Variants in TUBGCP6 observed in about 807,000 individuals in gnomAD.
TUBGCP6 encodes gamma-tubulin complex component 6.
A neutral mutation model predicts 175.8 loss-of-function variants in TUBGCP6; 161 were observed. That is an observed-to-expected ratio of 0.92 (90% CI 0.81 to 1.04). TUBGCP6 has a LOEUF of 1.04. Ranked by LOEUF, TUBGCP6 falls within the 50% of genes least tolerant of loss-of-function variation. TUBGCP6 has a pLI of 0.00. For synonymous variants in TUBGCP6, 1,173 were observed against 1,030.5 expected (o/e 1.14, Z -2.65); for missense variants, 2,572 against 2,433.0 (o/e 1.06, Z -1.20).
chr22:50,230,769 CAAAA>C (rs544032515), intron 3 of TUBGCP6, among the ~76,000 whole-genome samples: 1 of 89,836 alleles, frequency 1.1e-5, no homozygotes. Flanking sequence ...ATCCTGTCTC[CAAAA>C]AAAAAAAAAA....
At position 50,233,310 on chromosome 22, in the gene TUBGCP6, T is replaced by A; in HGVS notation, c.1116+6A>T. The A allele has an allele frequency of 6.2e-7, 1 of 1,610,216 alleles. No homozygotes were observed. The highest frequency in any genetic ancestry group is 8.5e-7 in the Non-Finnish European group (1 of 1,178,042). ...ACCACTGTGGCGGGGAGTGAGCAGT[T>A]CTCACCTGGCAGAGCGAAAACGTGG... is the stretch of plus-strand genomic sequence containing the variant. On this transcript the variant is annotated splice_donor_region_variant and intron_variant, in intron 3 of 24. Coordinates refer to ENST00000248846, the MANE Select transcript of TUBGCP6 (RefSeq NM_020461.4).
chr22:50,235,555 G>C (rs117438449), intron 2 of TUBGCP6, among the ~76,000 whole-genome samples: 1 of 152,128 alleles, frequency 6.6e-6, no homozygotes, highest in Non-Finnish European at 1.5e-5. Flanking sequence ...CAGGGACGGC[G>C]CTCGAGGACG....
Position 50,244,108 on chromosome 22 carries a change from C to A in TUBGCP6, c.352G>T (p.Ala118Ser), listed in dbSNP as rs2064885729. The stretch of plus-strand genomic sequence containing the variant: ...AGAACTTGAGGGGGACCACTCCCTG[C>A]CAGCTGAACCAGGAGGTCCAAAACA... ...GSVLDLLVQL[A>S]GSGPPQVLPR... Residue 118 changes from alanine to serine, a missense_variant, in exon 1 of 25, where the codon GCA becomes TCA. Coordinates refer to ENST00000248846, the MANE Select transcript of TUBGCP6 (RefSeq NM_020461.4). 1 of 1,613,546 alleles carries A rather than the reference C, an allele frequency of 6.2e-7. No homozygotes were observed. Among genetic ancestry groups the A allele is most frequent in the Admixed American group, 1.7e-5 (1 of 60,006 alleles).
chr22:50,240,996 A>T (rs2064831829), intron 1 of TUBGCP6, among the ~76,000 whole-genome samples: 1 of 152,250 alleles, frequency 6.6e-6, no homozygotes, highest in South Asian at 2.1e-4. Context: ...GCAGCAAGCC[A>T]CCCAGGTGCC....
intron 3 of TUBGCP6, among the ~76,000 whole-genome samples, chr22:50,231,314 C>G (rs1163089898): frequency 6.6e-6 from 1 of 150,924 alleles, no homozygotes; most frequent in Non-Finnish European, 1.5e-5. Context: ...ATTAGCCAGG[C>G]GTGGTAGTCC....
At position 50,244,649 on chromosome 22, in the gene TUBGCP6, C is replaced by T; in HGVS notation, c.-190G>A. On this transcript the variant is annotated 5_prime_UTR_variant, in exon 1 of 25. Coordinates refer to ENST00000248846, the MANE Select transcript of TUBGCP6 (RefSeq NM_020461.4). ...GGTTGCTCTACTCAGAGTAAACACG[C>T]CCTGCCCTCCCCAGTCCAAGCACGC... 1 of 920,046 alleles carries T rather than the reference C, an allele frequency of 1.1e-6. No individual in the cohort carries two copies. The allele number at this position is 920,046 out of a possible 1,614,324, so 57.0% of individuals were successfully genotyped here.
At chr22:50,240,432 G>A (rs1270854871) in intron 1 of TUBGCP6, 65 bp from the exon 2 acceptor site, 2 of 1,586,268 alleles carry the variant, frequency 1.3e-6, no homozygotes, top group African/African-American at 2.7e-5. Context: ...CAAGGGCGAT[G>A]AGAATTTCAG....
intron 17 of TUBGCP6, 75 bp downstream of exon 17, chr22:50,219,882 C>A: frequency 1.2e-6 from 2 of 1,604,264 alleles, no homozygotes; most frequent in South Asian, 1.1e-5. Context: ...GCATGTGGGA[C>A]CCACCCGCGT....
chr22:50,237,799 G>A (rs1304650414), intron 2 of TUBGCP6, among the ~76,000 whole-genome samples: 3 of 152,156 alleles, frequency 2.0e-5, no homozygotes, highest in Non-Finnish European at 4.4e-5. Context: ...TCAGCAACCC[G>A]AAAAAATGAA....
Position 50,218,000 on chromosome 22 carries a change from C to CGGGCCCCCAGG in TUBGCP6, c.5275_5285dup (p.Arg1763LeufsTer33). On this transcript the variant is annotated frameshift_variant, in exon 24 of 25. Coordinates refer to ENST00000248846, the MANE Select transcript of TUBGCP6 (RefSeq NM_020461.4). LOFTEE classifies it high-confidence loss of function. ...CAAAGTTGGGGTGCTCTGCACCCCG[C>CGGGCCCCCAGG]GGGCCCCCAGGGGGCCCCCAGGCCT... 6.2e-7 allele frequency: 1 copy of CGGGCCCCCAGG among 1,611,986 alleles called. No individual in the cohort carries two copies. The highest frequency in any genetic ancestry group is 8.5e-7 in the Non-Finnish European group (1 of 1,179,382).
intron 2 of TUBGCP6, among the ~76,000 whole-genome samples, chr22:50,237,910 G>T (rs1025331032): frequency 6.6e-6 from 1 of 152,124 alleles, no homozygotes; most frequent in Non-Finnish European, 1.5e-5. Flanking sequence ...ATCACCTGAC[G>T]GTGGGAGTTC....
In TUBGCP6 at chr22:50,218,510, G is replaced by A; in HGVS notation, c.4932C>T (p.Val1644=). 1.9e-6 allele frequency: 3 copies of A among 1,613,690 alleles called. No homozygotes were observed. Among genetic ancestry groups the A allele is most frequent in the Non-Finnish European group, 2.5e-6 (3 of 1,179,968 alleles). Residue 1644 remains valine (V), a synonymous_variant, in exon 22 of 25, where the codon GTC becomes GTT. Transcript: ENST00000248846. ...CACCTGTGCGCTTGAGGTGGAAGCA[G>A]ACGTCCTTGAGCGCCCACATCATGA... is the stretch of plus-strand genomic sequence containing the variant. ...LKLMMWALKD[V]CFHLKRTALL... is the part of the protein sequence containing the mutation.
rs754731247 is a variant in TUBGCP6, at chr22:50,217,881, G to GCC, written c.5368+35_5368+36dup. The stretch of plus-strand genomic sequence containing the variant: ...TGCCCACAGTGTGAGCCCCGCCCTG[G>GCC]CCCCCCCGCAGCCCTCCCAGCCAGG... On this transcript the variant is annotated intron_variant, in intron 24 of 24. Coordinates refer to ENST00000248846, the MANE Select transcript of TUBGCP6 (RefSeq NM_020461.4). 2.5e-6 allele frequency: 4 copies of GCC among 1,605,136 alleles called. No homozygotes were observed. The African/African-American group carries it at 5.4e-5, about 21-fold the overall frequency.
chr22:50,240,253 C>T lies in TUBGCP6; in HGVS notation c.856G>A (p.Ala286Thr), dbSNP rs377471604. ...VTPDVDLWEA[A>T]LTYEASKRRC... is the part of the protein sequence containing the mutation. ...CGCTTGCTGGCCTCATAGGTAAGTG[C>T]GGCTTCCCACAGGTCCACGTCTGGG... The change falls in exon 2 of 25, where the codon GCA (alanine) becomes ACA (threonine). Residue 286 changes from alanine (A) to threonine (T), a missense_variant. Transcript: ENST00000248846. 5.0e-5 allele frequency: 80 copies of T among 1,613,958 alleles called. No homozygotes were observed. In the Middle Eastern group the frequency reaches 8.3e-4, roughly 17 times the overall value.
rs757840984 is a variant in TUBGCP6 at position 50,218,411 on chromosome 22, G to GGGCAGAA, written c.4955-16_4955-10dup. ...CATGTGGCTCAGCAGGGCTGGCGGA[G>GGGCAGAA]GGCAGAAGGCAGAGGGCAGAGGTGA... is the stretch of plus-strand genomic sequence containing the variant. On this transcript the variant is annotated splice_polypyrimidine_tract_variant and intron_variant, in intron 22 of 24. Coordinates refer to ENST00000248846, the MANE Select transcript of TUBGCP6 (RefSeq NM_020461.4). The GGGCAGAA allele has an allele frequency of 3.7e-6, 6 of 1,612,812 alleles. No homozygotes were observed. The highest frequency in any genetic ancestry group is 2.2e-5 in the East Asian group (1 of 44,866).
intron 10 of TUBGCP6, among the ~76,000 whole-genome samples, chr22:50,225,365 C>T (rs1172227300): frequency 6.6e-6 from 1 of 152,128 alleles, no homozygotes; most frequent in African/African-American, 2.4e-5. Context: ...CCGTCCCTGA[C>T]ACACTGTCCC....
In TUBGCP6 at chr22:50,229,136, G is replaced by A. The variant is rs73187272; in HGVS notation, c.1290+268C>T. The stretch of plus-strand genomic sequence containing the variant: ...CCCACTCACGCCTTTCCTGCCCTGC[G>A]CACCCCTTATGCTGGCTGCACCTGC... On this transcript the variant is annotated intron_variant, in intron 4 of 24. Transcript: ENST00000248846. Among the ~76,000 whole-genome samples the A allele has an allele frequency of 0.12, 18,570 of 152,058 alleles. 1,205 individuals are homozygous for A. The highest frequency in any genetic ancestry group is 0.25 in the South Asian group (1,210 of 4,816).
intron 3 of TUBGCP6, among the ~76,000 whole-genome samples, chr22:50,231,395 A>G (rs1311521310): frequency 6.6e-6 from 1 of 151,932 alleles, no homozygotes; most frequent in Non-Finnish European, 1.5e-5. Context: ...CGGAGGCTGC[A>G]GTGAGCTGAG....
At chr22:50,241,268 A>G (rs1467461691) in intron 1 of TUBGCP6, among the ~76,000 whole-genome samples, 3 of 152,220 alleles carry the variant, frequency 2.0e-5, no homozygotes, top group African/African-American at 7.2e-5. Context: ...TGTCATGCCC[A>G]GACAGGGCCA....
Sources: allele counts gnomAD v4.1 joint callset (sites outside exome capture counted in the v4.1 genomes callset), GRCh38; gene constraint gnomAD v4.1.1; transcripts MANE v1.5; gene names NCBI Gene and HGNC (gene_info 2026-07-23, HGNC 2026-07-21).